The following GRIK1 variants were observed in gnomAD, a reference collection of about 807,000 sequenced individuals.
GRIK1 encodes glutamate receptor ionotropic, kainate 1.
Under a neutral mutation model 105.7 loss-of-function variants are expected in GRIK1, and 69 were observed. The observed-to-expected ratio is 0.65, with a 90% confidence interval of 0.54 to 0.80. GRIK1 has a LOEUF of 0.80. Ranked by LOEUF, GRIK1 falls within the 30% of genes least tolerant of loss-of-function variation. The probability of loss-of-function intolerance (pLI) is 0.00; values close to 1 mark genes in which losing one functional copy is unlikely to be tolerated. For synonymous variants in GRIK1, 438 were observed against 431.3 expected, an observed-to-expected ratio of 1.02 and a Z score of -0.19; for missense variants, 1,109 against 1,167.3, an observed-to-expected ratio of 0.95 and a Z score of 0.73.
At chr21:29,904,888 CTCCTGCCTCCCACAGCGTT>C (rs1211725495) in intron 1 of GRIK1, among the ~76,000 whole-genome samples, 3 of 152,152 alleles carry the variant, frequency 2.0e-5, no homozygotes, top group Admixed American at 6.5e-5. Context: ...CTCAAAATTC[CTCCTGCCTCCCACAGCGTT>C]CATGTGGCCA....
chr21:29,841,446 C>T (rs2067980403), intron 1 of GRIK1, among the ~76,000 whole-genome samples: 1 of 152,112 alleles, frequency 6.6e-6, no homozygotes. Flanking sequence ...GAGAATAATA[C>T]TTCTGATACA....
intron 7 of GRIK1, among the ~76,000 whole-genome samples, chr21:29,607,108 G>A (rs1173323865): frequency 6.6e-6 from 1 of 152,132 alleles, no homozygotes; most frequent in Non-Finnish European, 1.5e-5. Context: ...TGGCTGTTAA[G>A]TTTTCCTTTG....
chr21:29,650,119 A>G (rs1053687030), intron 6 of GRIK1, among the ~76,000 whole-genome samples: 2 of 152,206 alleles, frequency 1.3e-5, no homozygotes, highest in Non-Finnish European at 2.9e-5. Flanking sequence ...GAATATTTTA[A>G]AAGTTATTTC....
At chr21:29,807,628 A>G (rs749303269) in intron 1 of GRIK1, among the ~76,000 whole-genome samples, 7 of 152,114 alleles carry the variant, frequency 4.6e-5, no homozygotes, top group Non-Finnish European at 1.0e-4. Context: ...TAAAATCTAT[A>G]ATTATAAAAA....
intron 1 of GRIK1, chr21:29,761,299 C>T (rs368497742): frequency 2.6e-5 from 4 of 152,218 alleles, no homozygotes; most frequent in East Asian, 3.9e-4. Flanking sequence ...CCCAGGTTCT[C>T]GAACTCATGA....
Position 29,731,530 on chromosome 21 carries a change from T to C in GRIK1, c.119-37467A>G, listed in dbSNP as rs542258148. On this transcript the variant is annotated intron_variant, in intron 1 of 17. Transcript: ENST00000327783. ...CTTGCTTAAAATTTCCATTGAGAGC[T>C]CTATTCTTGTCTATAGCTGATCTGG... Among the ~76,000 whole-genome samples the C allele has an allele frequency of 9.2e-5, 14 of 152,322 alleles. 1 individual carries two copies. The South Asian group carries it at 2.7e-3, about 29-fold the overall frequency.
Position 29,834,590 on chromosome 21 carries a change from C to T in GRIK1, c.118+104793G>A, listed in dbSNP as rs2067729658. ...GCATGGGCCTTGAATTCTGGCAGAGCTGGATTCAAATCATGGCTCTGGCAG... is the reference window on the plus strand; with the variant it reads ...GCATGGGCCTTGAATTCTGGCAGAGTTGGATTCAAATCATGGCTCTGGCAG... On this transcript the variant is annotated intron_variant, in intron 1 of 17. Coordinates refer to ENST00000327783, the MANE Select transcript of GRIK1 (RefSeq NM_001330994.2). Among the ~76,000 whole-genome samples the T allele has an allele frequency of 2.0e-5, 3 of 150,704 alleles. No individual in the cohort carries two copies. In the South Asian group the frequency reaches 6.2e-4, roughly 31 times the overall value.
In GRIK1 at chr21:29,932,841, A is replaced by T. The variant is rs559509025; in HGVS notation, c.118+6542T>A. ...AAATATAGACCTTTAATTTACCACA[A>T]ATTACATTCCTGGAAAAGATATTTT... is the stretch of plus-strand genomic sequence containing the variant. On this transcript the variant is annotated intron_variant, in intron 1 of 17. Coordinates refer to ENST00000327783, the MANE Select transcript of GRIK1 (RefSeq NM_001330994.2). Among the ~76,000 whole-genome samples, 9 of 152,050 alleles carry T rather than the reference A, an allele frequency of 5.9e-5. No individual in the cohort carries two copies. The East Asian group carries it at 1.7e-3, about 29-fold the overall frequency.
intron 16 of GRIK1, among the ~76,000 whole-genome samples, chr21:29,544,286 A>C (rs1426303365): frequency 1.3e-5 from 2 of 152,216 alleles, no homozygotes; most frequent in African/African-American, 2.4e-5. Context: ...CACAATCCAT[A>C]GGGATTCTTA....
intron 15 of GRIK1, among the ~76,000 whole-genome samples, chr21:29,557,899 T>C (rs1312412894): frequency 6.6e-6 from 1 of 152,186 alleles, no homozygotes; most frequent in Non-Finnish European, 1.5e-5. Flanking sequence ...GTAATAATCC[T>C]AGGAGCATAC....
intron 1 of GRIK1, among the ~76,000 whole-genome samples, chr21:29,866,603 T>G (rs1373937729): frequency 6.6e-6 from 1 of 152,142 alleles, no homozygotes; most frequent in Non-Finnish European, 1.5e-5. Flanking sequence ...ATGGGGGACT[T>G]TTGGATCTAA....
rs545134666 is a variant in GRIK1, at chr21:29,590,766, TCTCTTCCCCCAC to T, written c.1365+334_1365+345del. On this transcript the variant is annotated intron_variant, in intron 10 of 17. Coordinates refer to ENST00000327783, the MANE Select transcript of GRIK1 (RefSeq NM_001330994.2). The stretch of plus-strand genomic sequence containing the variant: ...AGGGAACAGAAGAGCTTCTCTTGCC[TCTCTTCCCCCAC>T]CTCTTCCCCCACTTCCCTAGTCTCT... 8.7e-4 allele frequency among the ~76,000 whole-genome samples: 133 copies of T among 152,278 alleles called. 4 individuals are homozygous for T. In the South Asian group the frequency reaches 0.026, roughly 30 times the overall value.
At chr21:29,780,310 G>A (rs904615127) in intron 1 of GRIK1, among the ~76,000 whole-genome samples, 7 of 152,106 alleles carry the variant, frequency 4.6e-5, no homozygotes, top group African/African-American at 1.7e-4. Context: ...ATATATTTTG[G>A]ATTTAAGCTA....
At chr21:29,667,762 C>T (rs1284593137) in intron 4 of GRIK1, among the ~76,000 whole-genome samples, 1 of 152,206 alleles carries the variant, frequency 6.6e-6, no homozygotes, top group Non-Finnish European at 1.5e-5. Context: ...ACAGTGCCAT[C>T]TTGCTTTTCA....
At chr21:29,582,459 C>T (rs966206188) in intron 12 of GRIK1, 4 of 261,756 alleles carry the variant, frequency 1.5e-5, no homozygotes. Flanking sequence ...TGTGGGAAGT[C>T]GACTTTGAAA....
At position 29,769,568 on chromosome 21, in the gene GRIK1, A is replaced by G. The variant is rs143501033; in HGVS notation, c.119-75505T>C. ...GTTCACAATAGGGTTTGCGCTCCTA[A>G]GAGAATCTAATGTCCCCGCTGATCT... is the stretch of plus-strand genomic sequence containing the variant. On this transcript the variant is annotated intron_variant, in intron 1 of 17. Coordinates refer to ENST00000327783, the MANE Select transcript of GRIK1 (RefSeq NM_001330994.2). 1.9e-4 allele frequency among the ~76,000 whole-genome samples: 29 copies of G among 152,212 alleles called. 1 individual carries two copies. In the East Asian group the frequency reaches 4.3e-3, roughly 22 times the overall value.
intron 1 of GRIK1, among the ~76,000 whole-genome samples, chr21:29,731,901 G>T (rs571019289): frequency 2.6e-5 from 4 of 152,148 alleles, no homozygotes; most frequent in African/African-American, 9.6e-5. Flanking sequence ...TCATAAATTT[G>T]ATGTTTGTTC....
chr21:29,560,279 T>TTTGTTTTCTTTC (rs1555835105), intron 15 of GRIK1, among the ~76,000 whole-genome samples: 8 of 69,948 alleles, frequency 1.1e-4, no homozygotes, highest in African/African-American at 3.8e-4. Context: ...TATGATACAG[T>TTTGTTTTCTTTC]TTTCTTTCTT....
chr21:29,938,383 T>C (rs1163273585), intron 1 of GRIK1, among the ~76,000 whole-genome samples: 1 of 152,160 alleles, frequency 6.6e-6, no homozygotes, highest in East Asian at 1.9e-4. Context: ...AGAAGCCCGA[T>C]GGGTTGGGAA....
Sources: gnomAD v4.1 joint callset for allele counts (sites outside exome capture counted in the v4.1 genomes callset) on GRCh38, gnomAD v4.1.1 for gene constraint, MANE v1.5 for transcripts, NCBI Gene and HGNC (gene_info 2026-07-23, HGNC 2026-07-21) for gene names.